The following NKAIN3 variants were observed in gnomAD, a reference collection of about 807,000 sequenced individuals.
NKAIN3 encodes the protein sodium/potassium transporting ATPase interacting 3.
In NKAIN3, 25 loss-of-function variants were observed where a neutral mutation model predicts 30.2. The ratio of observed to expected loss-of-function variants is 0.83; its 90% CI spans 0.60 to 1.16. NKAIN3 has a LOEUF of 1.16. Among genes scored for constraint, NKAIN3 ranks in the 50% most tolerant of loss-of-function variants. The pLI is 0.00. For missense variants in NKAIN3, 225 were observed against 254.1 expected (o/e 0.89, Z 0.78); for synonymous variants, 91 against 89.6 (o/e 1.02, Z -0.09).
chr8:62,542,648 T>C (rs1456333206), intron 1 of NKAIN3, among the ~76,000 whole-genome samples: 1 of 152,156 alleles, frequency 6.6e-6, no homozygotes. Flanking sequence ...AGTGACTAAT[T>C]TGTAATTACT....
At chr8:62,352,120 A>G (rs377392437) in intron 1 of NKAIN3, among the ~76,000 whole-genome samples, 2 of 152,188 alleles carry the variant, frequency 1.3e-5, no homozygotes, top group East Asian at 3.8e-4. Context: ...TTAGGAAGAG[A>G]TAGTTATGTT....
chr8:62,750,414 C>T (rs1816238202), intron 4 of NKAIN3, among the ~76,000 whole-genome samples: 1 of 152,100 alleles, frequency 6.6e-6, no homozygotes, highest in South Asian at 2.1e-4. Flanking sequence ...ATTCCACAGA[C>T]TGTGTACATG....
rs1823797856 is a variant in NKAIN3, at chr8:62,970,014, G to C, written c.*4607G>C. Among the ~76,000 whole-genome samples the C allele has an allele frequency of 2.0e-5, 3 of 152,052 alleles. No homozygotes were observed. Among genetic ancestry groups the C allele is most frequent in the South Asian group, 4.1e-4 (2 of 4,826 alleles). ...GTTCAAGACCAGCTTGGGCAAAATA[G>C]TGAGACCGTATCTCTACAAAAACAA... On this transcript the variant is annotated 3_prime_UTR_variant, in exon 7 of 7. Coordinates refer to ENST00000623646, the MANE Select transcript of NKAIN3 (RefSeq NM_001304533.3).
chr8:62,293,997 G>C (rs998143507), intron 1 of NKAIN3, among the ~76,000 whole-genome samples: 6 of 152,184 alleles, frequency 3.9e-5, no homozygotes, highest in African/African-American at 1.4e-4. Flanking sequence ...TGCTGTGCTA[G>C]TAGTGAGCGA....
chr8:62,960,758 A>ACAC (rs1490723422), intron 6 of NKAIN3, among the ~76,000 whole-genome samples: 1 of 74,082 alleles, frequency 1.3e-5, no homozygotes, highest in Non-Finnish European at 2.6e-5. Flanking sequence ...CACACACACA[A>ACAC]GTGATTAGAA....
intron 4 of NKAIN3, among the ~76,000 whole-genome samples, chr8:62,784,252 A>C (rs528570986): frequency 1.3e-5 from 2 of 152,026 alleles, no homozygotes; most frequent in South Asian, 4.2e-4. Flanking sequence ...TCCCTAAAGC[A>C]AGCAGAAGTA....
intron 4 of NKAIN3, among the ~76,000 whole-genome samples, chr8:62,890,775 G>A (rs1821275971): frequency 6.6e-6 from 1 of 152,124 alleles, no homozygotes; most frequent in Admixed American, 6.5e-5. Flanking sequence ...TACCCAAAAG[G>A]GAAGTGGTAA....
At chr8:62,755,743 TACTC>T (rs1816430418) in intron 4 of NKAIN3, among the ~76,000 whole-genome samples, 1 of 152,146 alleles carries the variant, frequency 6.6e-6, no homozygotes, top group Non-Finnish European at 1.5e-5. Context: ...TAGACTGACT[TACTC>T]ACTATACACC....
intron 3 of NKAIN3, among the ~76,000 whole-genome samples, chr8:62,731,458 G>T (rs1160314476): frequency 6.6e-6 from 1 of 152,022 alleles, no homozygotes; most frequent in Non-Finnish European, 1.5e-5. Flanking sequence ...CAAGGAAAAT[G>T]ATTTTAAAAT....
chr8:62,929,715 G>C (rs562853771), intron 5 of NKAIN3, among the ~76,000 whole-genome samples: 8 of 152,086 alleles, frequency 5.3e-5, no homozygotes, highest in African/African-American at 1.9e-4. Context: ...AAAAACTGTG[G>C]TTTTTTGTTT....
chr8:62,614,507 AC>A (rs764910803), intron 3 of NKAIN3, among the ~76,000 whole-genome samples: 3 of 152,228 alleles, frequency 2.0e-5, no homozygotes, highest in Non-Finnish European at 4.4e-5. Flanking sequence ...CTCCCTGGCT[AC>A]TGCCTATGTT....
At chr8:62,256,780 G>T (rs1812274353) in intron 1 of NKAIN3, among the ~76,000 whole-genome samples, 2 of 152,140 alleles carry the variant, frequency 1.3e-5, no homozygotes, top group African/African-American at 4.8e-5. Context: ...TTTAGTCCAG[G>T]ACAGTAAAGA....
At chr8:62,619,561 C>T (rs1019579742) in intron 3 of NKAIN3, among the ~76,000 whole-genome samples, 4 of 152,112 alleles carry the variant, frequency 2.6e-5, no homozygotes, top group African/African-American at 9.7e-5. Context: ...TGATTGATGT[C>T]TCATGTCTCC....
At chr8:62,442,309 T>A (rs1318354995) in intron 1 of NKAIN3, among the ~76,000 whole-genome samples, 1 of 152,026 alleles carries the variant, frequency 6.6e-6, no homozygotes, top group African/African-American at 2.4e-5. Flanking sequence ...TAGGCTAATA[T>A]TACTAGTTTT....
intron 1 of NKAIN3, among the ~76,000 whole-genome samples, chr8:62,345,024 GA>G (rs1815886261): frequency 6.6e-6 from 1 of 151,466 alleles, no homozygotes; most frequent in Non-Finnish European, 1.5e-5. Flanking sequence ...TTACGTCTTC[GA>G]TTAAGTTTAT....
intron 1 of NKAIN3, chr8:62,483,174 C>T (rs1269087932): frequency 6.6e-6 from 1 of 152,212 alleles, no homozygotes; most frequent in Non-Finnish European, 1.5e-5. Flanking sequence ...ACTGGAGCAT[C>T]TTTCATTTTT....
At chr8:62,870,777 A>G (rs1415344818) in intron 4 of NKAIN3, among the ~76,000 whole-genome samples, 1 of 147,782 alleles carries the variant, frequency 6.8e-6, no homozygotes, top group Non-Finnish European at 1.5e-5. Context: ...ATATAGAGAG[A>G]TATATATTGT....
chr8:62,580,210 A>C (rs1202208688), intron 2 of NKAIN3, among the ~76,000 whole-genome samples: 1 of 152,180 alleles, frequency 6.6e-6, no homozygotes, highest in African/African-American at 2.4e-5. Context: ...GATATTGAAT[A>C]TTTCTCTGTT....
rs541369578 is a variant in NKAIN3, at chr8:62,701,869, A to C, written c.274-45063A>C. ...AACTGACATTTCTGCTGCAATTCCA[A>C]AGCGCGAACTCCGGGGGCTGAAGTC... On this transcript the variant is annotated intron_variant, in intron 3 of 6. Coordinates refer to ENST00000623646, the MANE Select transcript of NKAIN3 (RefSeq NM_001304533.3). Among the ~76,000 whole-genome samples the C allele has an allele frequency of 3.3e-5, 5 of 152,172 alleles. No individual in the cohort carries two copies. The East Asian group carries it at 9.7e-4, about 29-fold the overall frequency.
Sources: gnomAD v4.1 joint callset for allele counts (sites outside exome capture counted in the v4.1 genomes callset) on GRCh38, gnomAD v4.1.1 for gene constraint, MANE v1.5 for transcripts, NCBI Gene and HGNC (gene_info 2026-07-23, HGNC 2026-07-21) for gene names.